Variants in INSR observed in about 807,000 individuals in gnomAD.
INSR encodes insulin receptor.
In INSR, 67 loss-of-function variants were observed where a neutral mutation model predicts 142.6. The observed-to-expected ratio is 0.47, with a 90% CI of 0.39 to 0.58. The LOEUF is 0.58. INSR is among the 20% of genes least tolerant of loss of function. The pLI is 0.00. For missense variants in INSR, 1,248 were observed against 1,833.2 expected (o/e 0.68, Z 5.83); for synonymous variants, 756 against 743.1 (o/e 1.02, Z -0.28).
At position 7,177,219 on chromosome 19, in the gene INSR, A is replaced by G. The variant is rs146004074; in HGVS notation, c.975-2488T>C. Among the ~76,000 whole-genome samples, 808 of 152,252 alleles carry G rather than the reference A, an allele frequency of 5.3e-3. 7 individuals are homozygous for G. Among genetic ancestry groups the G allele is most frequent in the South Asian group, 0.025 (119 of 4,824 alleles). ...ACCTTCTATTCCTGTGGGGGCTCAG[A>G]GGTGGTGGGTACAGAACTTAAGTCA... On this transcript the variant is annotated intron_variant, in intron 3 of 21. Coordinates refer to ENST00000302850, the MANE Select transcript of INSR (RefSeq NM_000208.4).
chr19:7,155,572 T>G (rs1973568598), intron 9 of INSR, among the ~76,000 whole-genome samples: 1 of 120,686 alleles, frequency 8.3e-6, no homozygotes, highest in South Asian at 2.6e-4. Context: ...TGGAAACCAA[T>G]ATAGCTGGAA....
chr19:7,176,737 T>C (rs917830199), intron 3 of INSR, among the ~76,000 whole-genome samples: 10 of 152,228 alleles, frequency 6.6e-5, no homozygotes, highest in Non-Finnish European at 1.5e-4. Flanking sequence ...GAAGCTGCTA[T>C]GCTTCCCGTA....
intron 1 of INSR, among the ~76,000 whole-genome samples, chr19:7,277,754 A>C (rs943147006): frequency 6.6e-6 from 1 of 151,892 alleles, no homozygotes; most frequent in African/African-American, 2.4e-5. Flanking sequence ...CTATGACTGC[A>C]CCACTGCACT....
intron 3 of INSR, among the ~76,000 whole-genome samples, chr19:7,178,025 A>G (rs1335017859): frequency 6.6e-6 from 1 of 152,046 alleles, no homozygotes; most frequent in East Asian, 1.9e-4. Context: ...CCGTTGCTAC[A>G]AGGGTCATTT....
chr19:7,147,209 C>T (rs1973205946), intron 11 of INSR, among the ~76,000 whole-genome samples: 1 of 151,300 alleles, frequency 6.6e-6, no homozygotes, highest in African/African-American at 2.4e-5. Context: ...GAGTCTCGCT[C>T]TGTTGCCCAG....
intron 2 of INSR, among the ~76,000 whole-genome samples, chr19:7,235,061 A>AAT (rs1568208424): frequency 7.3e-5 from 11 of 150,454 alleles, no homozygotes; most frequent in Middle Eastern, 3.4e-3. Context: ...CCGTCTCAAA[A>AAT]AATAATAATA....
chr19:7,147,880 C>T (rs1198063590), intron 11 of INSR, among the ~76,000 whole-genome samples: 1 of 151,618 alleles, frequency 6.6e-6, no homozygotes, highest in Non-Finnish European at 1.5e-5. Context: ...AGATTATAAC[C>T]AAAAAGACCA....
At chr19:7,244,295 G>T (rs745895187) in intron 2 of INSR, among the ~76,000 whole-genome samples, 1 of 152,184 alleles carries the variant, frequency 6.6e-6, no homozygotes, top group African/African-American at 2.4e-5. Context: ...CACTTTGGGA[G>T]GCCGAAGTGG....
Position 7,112,910 on chromosome 19 carries a change from T to C in INSR, c.*4146A>G, listed in dbSNP as rs540099485. On this transcript the variant is annotated 3_prime_UTR_variant, in exon 22 of 22. Coordinates refer to ENST00000302850, the MANE Select transcript of INSR (RefSeq NM_000208.4). ...TTTTCATTCCCAACCTCACCTCGCA[T>C]ATAAATTAATATTCTGAAGAACATG... is the stretch of plus-strand genomic sequence containing the variant. The C allele has an allele frequency of 2.6e-5, 4 of 152,216 alleles. No individual in the cohort carries two copies. Among genetic ancestry groups the C allele is most frequent in the African/African-American group, 7.2e-5 (3 of 41,544 alleles). 9.4% of individuals were successfully genotyped at this position (152,216 alleles called of 1,614,324 possible).
At position 7,184,552 on chromosome 19, in the gene INSR, G is replaced by A. The variant is rs774068124; in HGVS notation, c.738C>T (p.Pro246=). 2.0e-5 allele frequency: 33 copies of A among 1,613,574 alleles called. No homozygotes were observed. In the African/African-American group the frequency reaches 2.8e-4, roughly 14 times the overall value. ...HSECLGNCSQ[P]DDPTKCVACR... ...AGGCCACGCACTTGGTGGGGTCGTC[G>A]GGCTGAGAACAGTTGCCCAGGCACT... is the stretch of plus-strand genomic sequence containing the variant. Residue 246 remains proline, a synonymous_variant, in exon 3 of 22, where the codon CCC becomes CCT. Transcript: ENST00000302850.
chr19:7,134,690 G>A (rs866258978), intron 13 of INSR, among the ~76,000 whole-genome samples: 3 of 151,922 alleles, frequency 2.0e-5, no homozygotes, highest in Non-Finnish European at 2.9e-5. Flanking sequence ...ACTTGAACCC[G>A]GGAGGCAGAG....
rs965089014 is a variant in INSR, at chr19:7,191,765, G to A, written c.653-7128C>T. On this transcript the variant is annotated intron_variant, in intron 2 of 21. Transcript: ENST00000302850. ...GATTGCTACAGCCCAGGGGTTTGAG[G>A]CTGCAGTGAGCTGTGACTGCACCAC... 2.6e-5 allele frequency among the ~76,000 whole-genome samples: 4 copies of A among 151,916 alleles called. No homozygotes were observed. The South Asian group carries it at 8.3e-4, about 31-fold the overall frequency.
At chr19:7,130,885 T>G (rs191899767) in intron 14 of INSR, among the ~76,000 whole-genome samples, 4 of 151,140 alleles carry the variant, frequency 2.6e-5, no homozygotes, top group Admixed American at 2.6e-4. Flanking sequence ...CTTTCTTTCT[T>G]TTTTATTTTT....
At chr19:7,120,842 A>T (rs893727131) in intron 19 of INSR, 93 bp from the exon 20 acceptor site, 13 of 1,542,758 alleles carry the variant, frequency 8.4e-6, no homozygotes, top group Non-Finnish European at 1.1e-5. Context: ...GAGCCCTAAG[A>T]GGGGTTCACC....
intron 2 of INSR, among the ~76,000 whole-genome samples, chr19:7,191,323 A>AAAAGAAAG (rs746227949): frequency 7.6e-4 from 21 of 27,578 alleles, no homozygotes; most frequent in African/African-American, 1.5e-3. Flanking sequence ...GAAAGAAAGA[A>AAAAGAAAG]AAAGAAAGAA....
rs1972472014 is a variant in INSR, at chr19:7,120,762, A to T, written c.3530-13T>A. The T allele has an allele frequency of 6.2e-7, 1 of 1,613,058 alleles. No individual in the cohort carries two copies. The highest frequency in any genetic ancestry group is 2.2e-5 in the East Asian group (1 of 44,828). On this transcript the variant is annotated splice_polypyrimidine_tract_variant and intron_variant, in intron 19 of 21. Coordinates refer to ENST00000302850, the MANE Select transcript of INSR (RefSeq NM_000208.4). ...GTCATTCCAAAGTCTGACAACACAAAAGGTTCACACGCTCTTAACCTTCAG... is the reference window on the plus strand; with the variant it reads ...GTCATTCCAAAGTCTGACAACACAATAGGTTCACACGCTCTTAACCTTCAG...
chr19:7,162,943 G>GAGAT, intron 9 of INSR, 89 bp downstream of exon 9: 1 of 1,269,186 alleles, frequency 7.9e-7, no homozygotes. Context: ...GACACAGGAA[G>GAGAT]AGATAGCTGC....
At chr19:7,220,105 T>C (rs1040393024) in intron 2 of INSR, among the ~76,000 whole-genome samples, 1 of 152,170 alleles carries the variant, frequency 6.6e-6, no homozygotes, top group African/African-American at 2.4e-5. Flanking sequence ...AAGCTGGCTC[T>C]GGGAATAGAG....
In INSR at chr19:7,153,014, C is replaced by G. The variant is rs1486215544; in HGVS notation, c.2030-87G>C. On this transcript the variant is annotated intron_variant, in intron 9 of 21. Coordinates refer to ENST00000302850, the MANE Select transcript of INSR (RefSeq NM_000208.4). ...ACACACACCCCACACACACACACAC[C>G]ACACACACACACCACACACACACAC... 25 of 490,314 alleles carry G rather than the reference C, an allele frequency of 5.1e-5. 1 individual carries two copies. In the African/African-American group the frequency reaches 1.1e-3, roughly 22 times the overall value. The allele number at this position is 490,314 out of a possible 1,614,324, so 30.4% of individuals were successfully genotyped here. A position where few individuals can be genotyped will look rare whatever the true frequency, so the allele number is the denominator to read the frequency against.
Sources: allele counts gnomAD v4.1 joint callset (sites outside exome capture counted in the v4.1 genomes callset), GRCh38; gene constraint gnomAD v4.1.1; transcripts MANE v1.5; gene names NCBI Gene and HGNC (gene_info 2026-07-23, HGNC 2026-07-21).